The following TBC1D15 variants were observed in gnomAD, a reference collection of about 807,000 sequenced individuals.
The protein encoded by TBC1D15 is GAP for RAB7.
In TBC1D15, 39 loss-of-function variants were observed where a neutral mutation model predicts 95.4. The ratio of observed to expected loss-of-function variants is 0.41; its 90% CI spans 0.32 to 0.53. The LOEUF (loss-of-function observed/expected upper bound fraction) is 0.53. TBC1D15 is among the 20% of genes least tolerant of loss of function. The pLI is 0.29. For missense variants in TBC1D15, 733 were observed against 794.3 expected (o/e 0.92, Z 0.93); for synonymous variants, 258 against 261.3 (o/e 0.99, Z 0.12).
At chr12:71,853,228 A>T (rs1015898106) in intron 1 of TBC1D15, among the ~76,000 whole-genome samples, 1 of 152,196 alleles carries the variant, frequency 6.6e-6, no homozygotes, top group African/African-American at 2.4e-5. Flanking sequence ...GGGAGGTGCC[A>T]CATACTTTTA....
At chr12:71,882,934 G>T (rs1179341879) in intron 4 of TBC1D15, among the ~76,000 whole-genome samples, 1 of 152,050 alleles carries the variant, frequency 6.6e-6, no homozygotes, top group Non-Finnish European at 1.5e-5. Flanking sequence ...TGTCTCTTCT[G>T]TTAATGAGGG....
intron 3 of TBC1D15, among the ~76,000 whole-genome samples, chr12:71,873,741 A>G (rs930195312): frequency 6.6e-6 from 1 of 152,150 alleles, no homozygotes; most frequent in African/African-American, 2.4e-5. Flanking sequence ...TATCTTTTTA[A>G]TTTTAGTAAA....
chr12:71,876,261 G>A (rs1490636551), intron 3 of TBC1D15, among the ~76,000 whole-genome samples: 1 of 151,938 alleles, frequency 6.6e-6, no homozygotes, highest in East Asian at 1.9e-4. Context: ...TTTTTGATTA[G>A]TTACAGCCCT....
intron 1 of TBC1D15, among the ~76,000 whole-genome samples, chr12:71,849,067 G>A (rs1208870776): frequency 6.7e-6 from 1 of 149,264 alleles, no homozygotes; most frequent in Non-Finnish European, 1.5e-5. Context: ...CTAGTATTGT[G>A]ACTGCCAAAA....
chr12:71,896,563 A>T (rs1478373337), intron 8 of TBC1D15, 114 bp from the exon 9 acceptor site: 1 of 796,614 alleles, frequency 1.3e-6, no homozygotes, highest in Non-Finnish European at 2.0e-6. Context: ...TGAACTATTT[A>T]CATATATGAA....
intron 1 of TBC1D15, among the ~76,000 whole-genome samples, chr12:71,861,681 A>G (rs1437762535): frequency 6.7e-6 from 1 of 150,004 alleles, no homozygotes; most frequent in African/African-American, 2.5e-5. Context: ...TTTTGTCTCA[A>G]TTTTATTTCT....
intron 11 of TBC1D15, among the ~76,000 whole-genome samples, chr12:71,912,731 G>A (rs1267988236): frequency 6.6e-6 from 1 of 152,042 alleles, no homozygotes; most frequent in Non-Finnish European, 1.5e-5. Context: ...GAATAAAAAT[G>A]TAAACTTTGG....
At chr12:71,862,949 GAA>G (rs1362294147) in intron 1 of TBC1D15, among the ~76,000 whole-genome samples, 3 of 152,116 alleles carry the variant, frequency 2.0e-5, no homozygotes, top group Non-Finnish European at 2.9e-5. Flanking sequence ...CACATGTCTG[GAA>G]AAGACTTTTA....
intron 3 of TBC1D15, among the ~76,000 whole-genome samples, chr12:71,874,482 G>T (rs1368661872): frequency 6.6e-6 from 1 of 151,972 alleles, no homozygotes; most frequent in Non-Finnish European, 1.5e-5. Flanking sequence ...GAAGTTTGTG[G>T]AATTTTTTTT....
intron 12 of TBC1D15, among the ~76,000 whole-genome samples, chr12:71,917,091 A>T (rs1007228661): frequency 6.6e-6 from 1 of 152,108 alleles, no homozygotes; most frequent in African/African-American, 2.4e-5. Flanking sequence ...TTTCATTTTT[A>T]AAAATGTCTG....
intron 5 of TBC1D15, among the ~76,000 whole-genome samples, chr12:71,891,696 C>G (rs964995143): frequency 6.6e-6 from 1 of 152,046 alleles, no homozygotes; most frequent in Non-Finnish European, 1.5e-5. Context: ...CTCCATCACA[C>G]AACAATAGTT....
Position 71,895,280 on chromosome 12 carries a change from T to C in TBC1D15, c.855+397T>C, listed in dbSNP as rs546355149. On this transcript the variant is annotated intron_variant, in intron 7 of 16. Coordinates refer to ENST00000485960, the MANE Select transcript of TBC1D15 (RefSeq NM_001146213.3). ...TATTCTCATGTAATACTTCCTTTTT[T>C]AAGTAAGATGGGTTTTGGCCTGAAT... is the stretch of plus-strand genomic sequence containing the variant. Among the ~76,000 whole-genome samples the C allele has an allele frequency of 2.0e-5, 3 of 152,220 alleles. No homozygotes were observed. In the South Asian group the frequency reaches 6.2e-4, roughly 31 times the overall value.
intron 1 of TBC1D15, among the ~76,000 whole-genome samples, chr12:71,851,382 A>G (rs1212846129): frequency 6.6e-6 from 1 of 152,006 alleles, no homozygotes; most frequent in South Asian, 2.1e-4. Context: ...GATCCAAACC[A>G]TATCATTCCT....
intron 1 of TBC1D15, among the ~76,000 whole-genome samples, chr12:71,842,581 A>T (rs762600333): frequency 1.3e-5 from 2 of 152,180 alleles, no homozygotes; most frequent in Non-Finnish European, 2.9e-5. Context: ...CTGTAATCCC[A>T]GCACTTTGGG....
chr12:71,882,134 T>C (rs556663413), intron 4 of TBC1D15, among the ~76,000 whole-genome samples: 44 of 152,208 alleles, frequency 2.9e-4, no homozygotes, highest in Non-Finnish European at 5.6e-4. Flanking sequence ...TTTAACTTTG[T>C]ACTTTTTTCT....
intron 15 of TBC1D15, 32 bp from the exon 16 acceptor site, chr12:71,921,336 C>A: frequency 1.5e-6 from 2 of 1,290,790 alleles, no homozygotes; most frequent in South Asian, 1.5e-5. Flanking sequence ...TATTCAGTTT[C>A]GATATCATTT....
intron 4 of TBC1D15, among the ~76,000 whole-genome samples, chr12:71,882,094 T>C (rs538982413): frequency 2.2e-4 from 33 of 152,160 alleles, no homozygotes; most frequent in African/African-American, 7.9e-4. Context: ...GAAAAAGCTT[T>C]TGTTTTTCTT....
At chr12:71,840,245 C>G (rs905924223) in intron 1 of TBC1D15, among the ~76,000 whole-genome samples, 1 of 152,176 alleles carries the variant, frequency 6.6e-6, no homozygotes, top group African/African-American at 2.4e-5. Flanking sequence ...GATGTTTATG[C>G]TTCCTTCGGG....
At chr12:71,890,328 C>A (rs566247191) in intron 5 of TBC1D15, among the ~76,000 whole-genome samples, 1 of 152,132 alleles carries the variant, frequency 6.6e-6, no homozygotes, top group African/African-American at 2.4e-5. Flanking sequence ...TTTTAGAGAC[C>A]ACAAAGAAGA....
Sources: allele counts gnomAD v4.1 joint callset (sites outside exome capture counted in the v4.1 genomes callset), GRCh38; gene constraint gnomAD v4.1.1; transcripts MANE v1.5; gene names NCBI Gene and HGNC (gene_info 2026-07-23, HGNC 2026-07-21).